The following CADPS2 variants were observed in gnomAD, a reference collection of about 807,000 sequenced individuals.
The protein encoded by CADPS2 is calcium dependent secretion activator 2, also known as calcium-dependent secretion activator 2.
CADPS2 carries 93 observed loss-of-function variants against 172.5 expected under a neutral mutation model. That is an observed-to-expected ratio of 0.54 (90% CI 0.46 to 0.64). CADPS2 has a LOEUF of 0.64. Ranked by LOEUF, CADPS2 falls within the 30% of genes least tolerant of loss-of-function variation. The pLI, the probability that CADPS2 is intolerant of heterozygous loss-of-function variation, is 0.00. For missense variants in CADPS2, 1,420 were observed against 1,565.9 expected, an observed-to-expected ratio of 0.91 and a Z score of 1.57; for synonymous variants, 546 against 555.2, an observed-to-expected ratio of 0.98 and a Z score of 0.23.
intron 8 of CADPS2, among the ~76,000 whole-genome samples, chr7:122,537,292 A>G (rs531357644): frequency 8.8e-4 from 133 of 151,890 alleles, no homozygotes; most frequent in Non-Finnish European, 1.6e-3. Flanking sequence ...GCAAAAAAAA[A>G]ACAAACAAAC....
intron 1 of CADPS2, among the ~76,000 whole-genome samples, chr7:122,760,996 A>C (rs2093361622): frequency 6.6e-6 from 1 of 152,190 alleles, no homozygotes; most frequent in East Asian, 1.9e-4. Context: ...AGACACTGTC[A>C]GCATCTAATA....
intron 2 of CADPS2, among the ~76,000 whole-genome samples, chr7:122,705,070 T>G (rs1357418935): frequency 6.6e-6 from 1 of 151,996 alleles, no homozygotes; most frequent in African/African-American, 2.4e-5. Context: ...CAAAATAAGC[T>G]TTTATAATTG....
chr7:122,401,498 G>C (rs944430709), intron 20 of CADPS2, among the ~76,000 whole-genome samples: 2 of 152,178 alleles, frequency 1.3e-5, no homozygotes, highest in East Asian at 1.9e-4. Flanking sequence ...GTCAGAAGTG[G>C]TCACTTGCCT....
chr7:122,666,633 C>T (rs759987851), intron 2 of CADPS2, among the ~76,000 whole-genome samples: 13 of 152,148 alleles, frequency 8.5e-5, no homozygotes, highest in East Asian at 1.9e-4. Flanking sequence ...TGAGTCACCA[C>T]GCCCAGCCAG....
At chr7:122,708,098 G>T (rs909275108) in intron 2 of CADPS2, among the ~76,000 whole-genome samples, 7 of 151,744 alleles carry the variant, frequency 4.6e-5, no homozygotes, top group Non-Finnish European at 8.8e-5. Context: ...CCTGTTGCAA[G>T]TGCTGCTATA....
chr7:122,464,340 C>T (rs553338436), intron 14 of CADPS2, among the ~76,000 whole-genome samples: 1 of 152,236 alleles, frequency 6.6e-6, no homozygotes, highest in South Asian at 2.1e-4. Context: ...AGCAACTGCA[C>T]ATGAATCTAT....
At chr7:122,683,407 T>C (rs916975285) in intron 2 of CADPS2, among the ~76,000 whole-genome samples, 14 of 152,108 alleles carry the variant, frequency 9.2e-5, no homozygotes, top group Non-Finnish European at 4.4e-5. Context: ...GGGTCAGTTG[T>C]TTTCTCTTAC....
chr7:122,638,985 T>G (rs1163865220), intron 3 of CADPS2, among the ~76,000 whole-genome samples: 1 of 152,222 alleles, frequency 6.6e-6, no homozygotes. Flanking sequence ...GTCCTACATG[T>G]CTTTTAGTAG....
intron 2 of CADPS2, among the ~76,000 whole-genome samples, chr7:122,726,057 T>G (rs1288623349): frequency 6.6e-6 from 1 of 151,938 alleles, no homozygotes; most frequent in Non-Finnish European, 1.5e-5. Context: ...ACTCACCAGC[T>G]TAACCACTCT....
intron 4 of CADPS2, among the ~76,000 whole-genome samples, chr7:122,622,659 A>C (rs2075720896): frequency 6.6e-6 from 1 of 152,162 alleles, no homozygotes; most frequent in Admixed American, 6.5e-5. Flanking sequence ...TCTCTTAAAG[A>C]CAGAGGGTAT....
At chr7:122,494,963 G>A (rs1351436390) in intron 9 of CADPS2, among the ~76,000 whole-genome samples, 1 of 151,870 alleles carries the variant, frequency 6.6e-6, no homozygotes, top group African/African-American at 2.4e-5. Context: ...GGTGTTTTTG[G>A]GGGTAAGGGT....
chr7:122,551,112 C>A (rs190493505), intron 8 of CADPS2, among the ~76,000 whole-genome samples: 24 of 152,122 alleles, frequency 1.6e-4, no homozygotes, highest in Non-Finnish European at 2.5e-4. Flanking sequence ...AGATTGGATG[C>A]ATTTTACCTT....
At chr7:122,847,476 T>G (rs796739323) in intron 1 of CADPS2, among the ~76,000 whole-genome samples, 89 of 152,340 alleles carry the variant, frequency 5.8e-4, no homozygotes, top group African/African-American at 2.0e-3. Context: ...GTCTTTTACT[T>G]TCTTCAATAA....
intron 2 of CADPS2, among the ~76,000 whole-genome samples, chr7:122,732,862 G>GCTATGTATAATATATATTATATA (rs2091812925): frequency 7.6e-6 from 1 of 130,846 alleles, no homozygotes; most frequent in African/African-American, 2.7e-5. Flanking sequence ...TATATTATAT[G>GCTATGTATAATATATATTATATA]ATATACATTA....
At chr7:122,851,177 G>A (rs1189706807) in intron 1 of CADPS2, among the ~76,000 whole-genome samples, 1 of 152,200 alleles carries the variant, frequency 6.6e-6, no homozygotes, top group Non-Finnish European at 1.5e-5. Flanking sequence ...ACAGGAGAAG[G>A]CAGGGAGCAC....
intron 1 of CADPS2, among the ~76,000 whole-genome samples, chr7:122,779,072 G>A (rs1004127181): frequency 2.0e-5 from 3 of 152,184 alleles, no homozygotes; most frequent in Admixed American, 6.5e-5. Flanking sequence ...CTGCCACCAC[G>A]TAAGATGTAC....
At chr7:122,841,781 A>T (rs1810584532) in intron 1 of CADPS2, among the ~76,000 whole-genome samples, 1 of 152,226 alleles carries the variant, frequency 6.6e-6, no homozygotes, top group Non-Finnish European at 1.5e-5. Context: ...GGAAGAACTG[A>T]AGACCATCAG....
In CADPS2 at chr7:122,378,508, T is replaced by C. The variant is rs1029592444; in HGVS notation, c.3387+860A>G. ...TGAGGATTAACATTTTTCATGTTCATGGGGCAGCTCTATTTTTTCTTTTCT... is the reference window on the plus strand; with the variant it reads ...TGAGGATTAACATTTTTCATGTTCACGGGGCAGCTCTATTTTTTCTTTTCT... On this transcript the variant is annotated intron_variant, in intron 25 of 29. Coordinates refer to ENST00000449022, the MANE Select transcript of CADPS2 (RefSeq NM_017954.11). Among the ~76,000 whole-genome samples the C allele has an allele frequency of 2.0e-5, 3 of 152,182 alleles. No homozygotes were observed. The South Asian group carries it at 6.2e-4, about 32-fold the overall frequency.
At chr7:122,470,192 T>C (rs2152144921) in intron 14 of CADPS2, among the ~76,000 whole-genome samples, 1 of 151,998 alleles carries the variant, frequency 6.6e-6, no homozygotes, top group South Asian at 2.1e-4. Flanking sequence ...TAGAATACTA[T>C]AGAAAGAAAA....
Sources: allele counts gnomAD v4.1 joint callset (sites outside exome capture counted in the v4.1 genomes callset), GRCh38; gene constraint gnomAD v4.1.1; transcripts MANE v1.5; gene names NCBI Gene and HGNC (gene_info 2026-07-23, HGNC 2026-07-21).